The following USH2A variants were observed in gnomAD, a reference collection of about 807,000 sequenced individuals.
USH2A encodes Usher syndrome 2A (autosomal recessive, mild).
Under a neutral mutation model 538.9 loss-of-function variants are expected in USH2A, and 443 were observed. The observed-to-expected ratio is 0.82, with a 90% CI of 0.76 to 0.89. USH2A has a LOEUF of 0.89. Among genes scored for constraint, USH2A ranks in the 40% least tolerant of loss-of-function variants. The probability of loss-of-function intolerance (pLI) is 0.00; values close to 1 mark genes in which losing one functional copy is unlikely to be tolerated. For missense variants in USH2A, 6,633 were observed against 6,324.8 expected (o/e 1.05, Z -1.65); for synonymous variants, 2,413 against 2,273.5 (o/e 1.06, Z -1.75).
intron 61 of USH2A, among the ~76,000 whole-genome samples, chr1:215,694,600 G>C (rs548363141): frequency 2.0e-5 from 3 of 151,952 alleles, no homozygotes; most frequent in South Asian, 2.1e-4. Context: ...AACCCACAAG[G>C]CATTCAAAAT....
intron 13 of USH2A, among the ~76,000 whole-genome samples, chr1:216,239,816 T>C (rs2035899136): frequency 6.6e-6 from 1 of 152,056 alleles, no homozygotes; most frequent in Non-Finnish European, 1.5e-5. Flanking sequence ...AAATTCTGGA[T>C]ATACTTGAAG....
At chr1:215,739,645 C>T (rs1660247394) in intron 60 of USH2A, among the ~76,000 whole-genome samples, 1 of 152,192 alleles carries the variant, frequency 6.6e-6, no homozygotes, top group African/African-American at 2.4e-5. Context: ...TTTACGTGTT[C>T]ATGTGTTTTT....
chr1:215,635,848 C>A (rs889369989), intron 69 of USH2A, among the ~76,000 whole-genome samples: 1 of 152,066 alleles, frequency 6.6e-6, no homozygotes, highest in African/African-American at 2.4e-5. Context: ...GCCGCCGCAC[C>A]CAGCCAGGCA....
chr1:216,325,746 A>T, intron 5 of USH2A, 147 bp from the exon 6 acceptor site: 1 of 805,730 alleles, frequency 1.2e-6, no homozygotes, highest in Non-Finnish European at 1.9e-6. Context: ...ACATAAAATA[A>T]AACTTATTTT....
At chr1:216,092,605 T>C (rs1170710126) in intron 22 of USH2A, among the ~76,000 whole-genome samples, 1 of 152,226 alleles carries the variant, frequency 6.6e-6, no homozygotes, top group Non-Finnish European at 1.5e-5. Context: ...TTAACACTTC[T>C]TTGTCTAAAA....
rs755187270 is a variant in USH2A at position 216,088,877 on chromosome 1, G to T, written c.4885+136C>A. 5.4e-4 allele frequency: 737 copies of T among 1,358,636 alleles called. 4 individuals carry two copies. The highest frequency in any genetic ancestry group is 1.2e-4 in the Non-Finnish European group (115 of 991,276). 84.2% of individuals were successfully genotyped at this position (1,358,636 alleles called of 1,614,324 possible). On this transcript the variant is annotated intron_variant, in intron 23 of 71. Transcript: ENST00000307340. ...TTCATCCTTTTAGGAGCATCCCAAA[G>T]GCAAATTCAACAGCAATATATATGG... is the stretch of plus-strand genomic sequence containing the variant.
chr1:216,148,376 G>A (rs1066177), intron 21 of USH2A, among the ~76,000 whole-genome samples: 132,795 of 149,118 alleles, frequency 0.89, 59,331 homozygotes, highest in East Asian at 0.96. Flanking sequence ...TCTCATTGCC[G>A]CCCTTCTTCC....
chr1:216,365,472 C>G (rs2038579222), intron 3 of USH2A, among the ~76,000 whole-genome samples: 1 of 151,978 alleles, frequency 6.6e-6, no homozygotes, highest in Admixed American at 6.6e-5. Flanking sequence ...TAATTAAAAC[C>G]AGATATAACA....
At chr1:216,325,226 T>A (rs2037705415) in intron 6 of USH2A, 79 bp downstream of exon 6, 6 of 1,463,894 alleles carry the variant, frequency 4.1e-6, no homozygotes, top group African/African-American at 1.4e-5. Context: ...ATATTTCTGT[T>A]GTTTTAAGAC....
At chr1:215,848,706 C>G (rs1663930764) in intron 44 of USH2A, among the ~76,000 whole-genome samples, 1 of 152,208 alleles carries the variant, frequency 6.6e-6, no homozygotes, top group Non-Finnish European at 1.5e-5. Context: ...CTGGCCTATT[C>G]TCCCTGTTTC....
intron 11 of USH2A, among the ~76,000 whole-genome samples, chr1:216,259,524 G>T (rs2036325597): frequency 6.6e-6 from 1 of 151,956 alleles, no homozygotes; most frequent in South Asian, 2.1e-4. Flanking sequence ...AAAACTAAGG[G>T]ATAAGTATAT....
At chr1:215,878,670 A>C in intron 42 of USH2A, 94 bp downstream of exon 42, 1 of 1,283,546 alleles carries the variant, frequency 7.8e-7, no homozygotes, top group Non-Finnish European at 1.1e-6. Flanking sequence ...AATTAGTTCT[A>C]TGTTCATATA....
intron 54 of USH2A, among the ~76,000 whole-genome samples, chr1:215,781,546 G>A (rs1381611997): frequency 6.6e-6 from 1 of 152,040 alleles, no homozygotes; most frequent in Non-Finnish European, 1.5e-5. Context: ...TCTCGGTTCT[G>A]ACCTCTGCTG....
chr1:215,643,206 C>T (rs1415221787), intron 67 of USH2A, among the ~76,000 whole-genome samples: 3 of 152,060 alleles, frequency 2.0e-5, no homozygotes, highest in Non-Finnish European at 2.9e-5. Context: ...CCATGCTGGC[C>T]AGGCTCGTCT....
At chr1:215,956,823 T>C (rs1667079959) in intron 37 of USH2A, among the ~76,000 whole-genome samples, 1 of 152,222 alleles carries the variant, frequency 6.6e-6, no homozygotes, top group Non-Finnish European at 1.5e-5. Flanking sequence ...GATAAATTAA[T>C]GCTTAACTCC....
rs376569225 is a variant in USH2A, at chr1:215,807,540, CT to C, written c.9739+6195del. 1.3e-4 allele frequency among the ~76,000 whole-genome samples: 20 copies of C among 152,172 alleles called. No homozygotes were observed. The South Asian group carries it at 3.9e-3, about 30-fold the overall frequency. ...ATGTCAATTTTGTCAGAACAAAATG[CT>C]TTTTCTAGGACCTAAATTCTAGGCT... is the stretch of plus-strand genomic sequence containing the variant. On this transcript the variant is annotated intron_variant, in intron 49 of 71. Transcript: ENST00000307340.
At chr1:215,742,906 C>T (rs1254353131) in intron 59 of USH2A, among the ~76,000 whole-genome samples, 1 of 152,074 alleles carries the variant, frequency 6.6e-6, no homozygotes, top group African/African-American at 2.4e-5. Context: ...TTTATGTGAG[C>T]TAGGTGTTTT....
intron 52 of USH2A, among the ~76,000 whole-genome samples, chr1:215,786,152 T>C (rs547458361): frequency 4.6e-5 from 7 of 152,274 alleles, no homozygotes; most frequent in African/African-American, 1.2e-4. Flanking sequence ...GCCAAGATGG[T>C]ACATAGAAAT....
At chr1:216,200,513 A>T (rs1432891759) in intron 16 of USH2A, among the ~76,000 whole-genome samples, 1 of 152,208 alleles carries the variant, frequency 6.6e-6, no homozygotes, top group East Asian at 1.9e-4. Context: ...GTAAACTACC[A>T]CCAAGGGGTA....
Sources: gnomAD v4.1 joint callset for allele counts (sites outside exome capture counted in the v4.1 genomes callset) on GRCh38, gnomAD v4.1.1 for gene constraint, MANE v1.5 for transcripts, NCBI Gene and HGNC (gene_info 2026-07-23, HGNC 2026-07-21) for gene names.